The following CFAP70 variants were observed in gnomAD, a reference collection of about 807,000 sequenced individuals.
CFAP70 encodes the protein cilia- and flagella-associated protein 70.
In CFAP70, 81 loss-of-function variants were observed where a neutral mutation model predicts 137.6. That is an observed-to-expected ratio of 0.59 (90% CI 0.49 to 0.71). The LOEUF (loss-of-function observed/expected upper bound fraction) is 0.71. CFAP70 is among the 30% of genes least tolerant of loss of function. CFAP70 has a pLI of 0.00. For missense variants in CFAP70, 976 were observed against 1,226.7 expected, an observed-to-expected ratio of 0.80 and a Z score of 3.05; for synonymous variants, 382 against 423.6, an observed-to-expected ratio of 0.90 and a Z score of 1.20.
chr10:73,268,283 G>T (rs913308494), intron 25 of CFAP70, among the ~76,000 whole-genome samples: 1 of 152,126 alleles, frequency 6.6e-6, no homozygotes, highest in Non-Finnish European at 1.5e-5. Context: ...AGTTTCCAAA[G>T]GTATATGAGT....
chr10:73,265,401 AT>A (rs1227851495), intron 25 of CFAP70, among the ~76,000 whole-genome samples: 9 of 151,966 alleles, frequency 5.9e-5, no homozygotes, highest in Non-Finnish European at 1.3e-4. Context: ...AAAAGGTGGT[AT>A]AATCTTGCAC....
chr10:73,291,689 C>T (rs2048191232), exon 18 of CFAP70: 1 of 1,614,058 alleles, frequency 6.2e-7, no homozygotes, highest in Non-Finnish European at 8.5e-7. Flanking sequence ...AAGTAGCATC[C>T]TCAAAGAAAA....
intron 4 of CFAP70, 74 bp downstream of exon 5, chr10:73,348,082 T>C (rs146156477): frequency 1.5e-6 from 2 of 1,366,416 alleles, no homozygotes; most frequent in African/African-American, 1.4e-5. Flanking sequence ...CTCAACTGAA[T>C]TGAACCTTAA....
chr10:73,271,529 G>A (rs1306755491), intron 24 of CFAP70, among the ~76,000 whole-genome samples: 1 of 151,968 alleles, frequency 6.6e-6, no homozygotes, highest in Non-Finnish European at 1.5e-5. Flanking sequence ...ATACTGTTAA[G>A]TCGAAAAAAG....
At chr10:73,258,440 A>G (rs1264078662) in intron 25 of CFAP70, among the ~76,000 whole-genome samples, 1 of 152,218 alleles carries the variant, frequency 6.6e-6, no homozygotes, top group Non-Finnish European at 1.5e-5. Flanking sequence ...TAATCCCATC[A>G]TCTTTGTAAA....
intron 19 of CFAP70, among the ~76,000 whole-genome samples, chr10:73,279,931 A>G (rs2131803806): frequency 6.6e-6 from 1 of 152,302 alleles, no homozygotes; most frequent in African/African-American, 2.4e-5. Context: ...AGTATATGAA[A>G]AAAAAAAGAA....
intron 24 of CFAP70, among the ~76,000 whole-genome samples, chr10:73,272,305 T>G (rs2046376611): frequency 6.6e-6 from 1 of 152,052 alleles, no homozygotes; most frequent in Non-Finnish European, 1.5e-5. Flanking sequence ...ACTGCACCAC[T>G]GCACTCTAGC....
rs1354857793 is a variant in CFAP70 at position 73,275,434 on chromosome 10, A to T, written c.2673+12T>A. The stretch of plus-strand genomic sequence containing the variant: ...TTCTCCAGACTCAAGAGGCTTTAGC[A>T]AAAGTCATTACCAGGTAGTCCATCT... On this transcript the variant is annotated intron_variant, in intron 22 of 26. Transcript: ENST00000310715. The surrounding 1 kb of genome is among the most constrained non-coding windows in gnomAD (Gnocchi z 4.0). The T allele has an allele frequency of 1.3e-6, 2 of 1,582,534 alleles. No individual in the cohort carries two copies. Among genetic ancestry groups the T allele is most frequent in the South Asian group, 2.4e-5 (2 of 84,570 alleles).
chr10:73,261,592 A>T (rs1000290897), intron 25 of CFAP70, among the ~76,000 whole-genome samples: 1 of 152,088 alleles, frequency 6.6e-6, no homozygotes, highest in African/African-American at 2.4e-5. Context: ...CCACCCCCAT[A>T]ATTCAATCAG....
chr10:73,356,003 T>C (rs1370935981), intron 1 of CFAP70, among the ~76,000 whole-genome samples: 1 of 152,112 alleles, frequency 6.6e-6, no homozygotes, highest in African/African-American at 2.4e-5. Flanking sequence ...TCAAACATTA[T>C]TTAACTTCTC....
At chr10:73,277,327 C>T (rs936082440) in exon 21 of CFAP70, 5 of 1,613,780 alleles carry the variant, frequency 3.1e-6, no homozygotes, top group Non-Finnish European at 4.2e-6. Flanking sequence ...GGCCGGGATG[C>T]AGAAGAGCTG....
At chr10:73,305,471 C>T (rs2049304416) in intron 12 of CFAP70, among the ~76,000 whole-genome samples, 1 of 152,162 alleles carries the variant, frequency 6.6e-6, no homozygotes, top group East Asian at 1.9e-4. Context: ...ATGCTTTCAC[C>T]ACTGATTGAT....
At chr10:73,348,004 T>G in intron 4 of CFAP70, 152 bp downstream of exon 5, 1 of 682,734 alleles carries the variant, frequency 1.5e-6, no homozygotes. Flanking sequence ...GGACTCTGCC[T>G]TATTATCTTT....
intron 25 of CFAP70, among the ~76,000 whole-genome samples, chr10:73,268,155 T>C (rs949340585): frequency 2.0e-5 from 3 of 152,236 alleles, no homozygotes; most frequent in African/African-American, 7.2e-5. Context: ...TAGTGTTTAA[T>C]AGATTAATCT....
intron 9 of CFAP70, among the ~76,000 whole-genome samples, chr10:73,314,207 G>C (rs187124618): frequency 2.6e-5 from 4 of 152,248 alleles, no homozygotes; most frequent in Admixed American, 2.6e-4. Flanking sequence ...AAACTTTGGG[G>C]GGTAATGTGT....
intron 9 of CFAP70, among the ~76,000 whole-genome samples, chr10:73,322,136 G>A (rs926632917): frequency 1.3e-5 from 2 of 152,054 alleles, no homozygotes; most frequent in African/African-American, 4.8e-5. Context: ...TAAAATTAAA[G>A]TACAATAAAA....
At chr10:73,287,836 G>A (rs562618611) in intron 19 of CFAP70, among the ~76,000 whole-genome samples, 1 of 151,064 alleles carries the variant, frequency 6.6e-6, no homozygotes, top group Admixed American at 6.6e-5. Flanking sequence ...GGGAAAAATG[G>A]ACTGATGCAT....
chr10:73,302,435 T>C (rs2049019883), intron 12 of CFAP70, among the ~76,000 whole-genome samples: 2 of 152,172 alleles, frequency 1.3e-5, no homozygotes, highest in African/African-American at 2.4e-5. Context: ...GTGGTGGTCA[T>C]TGATGAGCTT....
chr10:73,304,116 GC>G (rs2049181526), intron 12 of CFAP70, among the ~76,000 whole-genome samples: 1 of 151,966 alleles, frequency 6.6e-6, no homozygotes, highest in Non-Finnish European at 1.5e-5. Context: ...GAGTGCAATG[GC>G]ATGATCTCAG....
Sources: allele counts gnomAD v4.1 joint callset (sites outside exome capture counted in the v4.1 genomes callset), GRCh38; gene constraint gnomAD v4.1.1; non-coding constraint Gnocchi (gnomAD v3.1); transcripts MANE v1.5; gene names NCBI Gene and HGNC (gene_info 2026-07-23, HGNC 2026-07-21).